Variants in DLG2 observed in about 807,000 individuals in gnomAD.
DLG2 encodes discs large MAGUK scaffold protein 2, also known as disks large homolog 2.
A neutral mutation model predicts 132.5 loss-of-function variants in DLG2; 45 were observed. The ratio of observed to expected loss-of-function variants is 0.34; its 90% CI spans 0.27 to 0.44. The LOEUF (loss-of-function observed/expected upper bound fraction) is 0.44. DLG2 is among the 20% of genes least tolerant of loss of function. DLG2 has a pLI of 1.00. For missense variants in DLG2, 1,045 were observed against 1,196.9 expected, an observed-to-expected ratio of 0.87 and a Z score of 1.87; for synonymous variants, 424 against 419.6, an observed-to-expected ratio of 1.01 and a Z score of -0.13.
rs573645578 is a variant in DLG2 at position 83,518,903 on chromosome 11, C to A, written c.2193+13805G>T. Among the ~76,000 whole-genome samples the A allele has an allele frequency of 2.0e-5, 3 of 152,188 alleles. No homozygotes were observed. The South Asian group carries it at 6.2e-4, about 32-fold the overall frequency. ...GCTCGTAGATTTAAAATAGCAAATTCAGTGTGGGAGGGGGCTGGACTGAGG... is the reference window on the plus strand; with the variant it reads ...GCTCGTAGATTTAAAATAGCAAATTAAGTGTGGGAGGGGGCTGGACTGAGG... On this transcript the variant is annotated intron_variant, in intron 21 of 27. Coordinates refer to ENST00000376104, the MANE Select transcript of DLG2 (RefSeq NM_001142699.3).
chr11:84,990,647 T>C (rs772675417), intron 6 of DLG2, among the ~76,000 whole-genome samples: 2 of 134,094 alleles, frequency 1.5e-5, no homozygotes, highest in Admixed American at 1.5e-4. Flanking sequence ...ATTAAAACCA[T>C]GATGAGATAC....
At chr11:84,692,037 T>C (rs765320403) in intron 6 of DLG2, among the ~76,000 whole-genome samples, 5 of 151,930 alleles carry the variant, frequency 3.3e-5, no homozygotes, top group Non-Finnish European at 7.4e-5. Context: ...TAGACTTCTA[T>C]TAGTACTTAT....
chr11:83,905,348 C>G (rs1337101074), intron 15 of DLG2, among the ~76,000 whole-genome samples: 1 of 152,146 alleles, frequency 6.6e-6, no homozygotes, highest in East Asian at 1.9e-4. Flanking sequence ...TCCTCTGGGG[C>G]TCCATTAAAT....
At chr11:83,520,971 G>C (rs1453230409) in intron 21 of DLG2, among the ~76,000 whole-genome samples, 1 of 152,186 alleles carries the variant, frequency 6.6e-6, no homozygotes, top group Non-Finnish European at 1.5e-5. Flanking sequence ...CATGTATCGA[G>C]ACTGCCAACT....
intron 7 of DLG2, among the ~76,000 whole-genome samples, chr11:84,472,265 T>C (rs556765601): frequency 6.6e-6 from 1 of 151,952 alleles, no homozygotes; most frequent in Non-Finnish European, 1.5e-5. Context: ...GTGTCTAGCA[T>C]GCTACCTATT....
At chr11:84,412,123 G>A (rs2098908726) in intron 7 of DLG2, among the ~76,000 whole-genome samples, 2 of 151,800 alleles carry the variant, frequency 1.3e-5, no homozygotes, top group Admixed American at 1.3e-4. Context: ...TGGTAATACT[G>A]ATAATGGCAA....
intron 7 of DLG2, among the ~76,000 whole-genome samples, chr11:84,311,726 T>A (rs139027754): frequency 1.2e-4 from 18 of 152,280 alleles, no homozygotes; most frequent in African/African-American, 4.1e-4. Flanking sequence ...GAAGTCCTCA[T>A]CAAGGTCCAC....
At chr11:84,106,548 A>T (rs1243385634) in intron 9 of DLG2, among the ~76,000 whole-genome samples, 1 of 152,180 alleles carries the variant, frequency 6.6e-6, no homozygotes, top group Non-Finnish European at 1.5e-5. Flanking sequence ...TCACAATTAT[A>T]CAATCTACAG....
rs565246024 is a variant in DLG2, at chr11:84,916,804, C to G, written c.357+194857G>C. 7.9e-4 allele frequency among the ~76,000 whole-genome samples: 120 copies of G among 152,348 alleles called. 1 individual carries two copies. The highest frequency in any genetic ancestry group is 2.8e-3 in the African/African-American group (118 of 41,582). ...TGTGACATGCTCTTGACCTTTCTCT[C>G]TTCAGCCACACTGGCTTCTTAGATG... On this transcript the variant is annotated intron_variant, in intron 6 of 27. Transcript: ENST00000376104.
chr11:85,486,741 C>A (rs1319022232), intron 3 of DLG2, among the ~76,000 whole-genome samples: 2 of 152,084 alleles, frequency 1.3e-5, no homozygotes, highest in Non-Finnish European at 2.9e-5. Context: ...ACTGCCATCA[C>A]CCTTATCACA....
intron 6 of DLG2, among the ~76,000 whole-genome samples, chr11:84,797,421 T>C (rs1427732422): frequency 1.3e-5 from 2 of 152,192 alleles, no homozygotes; most frequent in African/African-American, 2.4e-5. Flanking sequence ...CTTTTTTGTA[T>C]GTTTGTTTCC....
chr11:84,985,899 G>T (rs977042601), intron 6 of DLG2, among the ~76,000 whole-genome samples: 1 of 141,536 alleles, frequency 7.1e-6, no homozygotes, highest in Non-Finnish European at 1.5e-5. Context: ...GGGTGGGGCA[G>T]GAGAATCACT....
intron 3 of DLG2, among the ~76,000 whole-genome samples, chr11:85,321,478 G>C (rs2081063405): frequency 6.6e-6 from 1 of 151,998 alleles, no homozygotes. Context: ...AAATAATCTA[G>C]CGAGTATGTA....
chr11:84,334,070 A>G (rs1194986714), intron 7 of DLG2, among the ~76,000 whole-genome samples: 2 of 152,166 alleles, frequency 1.3e-5, no homozygotes, highest in Non-Finnish European at 2.9e-5. Context: ...ATATGCAAAT[A>G]TTAAGCAGAA....
intron 6 of DLG2, among the ~76,000 whole-genome samples, chr11:84,778,732 G>C (rs1021681886): frequency 3.3e-5 from 5 of 152,090 alleles, no homozygotes; most frequent in African/African-American, 9.7e-5. Flanking sequence ...ATGTATCTGG[G>C]TGTTGCCAGA....
At chr11:85,474,492 T>C (rs2093078856) in intron 3 of DLG2, among the ~76,000 whole-genome samples, 1 of 151,954 alleles carries the variant, frequency 6.6e-6, no homozygotes, top group Non-Finnish European at 1.5e-5. Flanking sequence ...AACTGTGCTG[T>C]TCTAAAGGAT....
chr11:84,590,129 T>C (rs1187673543), intron 6 of DLG2, among the ~76,000 whole-genome samples: 2 of 152,190 alleles, frequency 1.3e-5, no homozygotes, highest in African/African-American at 4.8e-5. Context: ...ATAGTAAGCA[T>C]CTAGGTTTGC....
intron 7 of DLG2, among the ~76,000 whole-genome samples, chr11:84,251,701 G>T (rs2097377922): frequency 7.0e-6 from 1 of 142,290 alleles, no homozygotes; most frequent in Non-Finnish European, 1.5e-5. Context: ...GGAGTGCAGT[G>T]GTGCAATCTC....
chr11:85,294,986 A>C (rs1358991608), intron 3 of DLG2, among the ~76,000 whole-genome samples: 2 of 152,178 alleles, frequency 1.3e-5, no homozygotes, highest in Admixed American at 1.3e-4. Flanking sequence ...TTGATGAATA[A>C]ATGTGCTACT....
Sources: allele counts gnomAD v4.1 joint callset (sites outside exome capture counted in the v4.1 genomes callset), GRCh38; gene constraint gnomAD v4.1.1; transcripts MANE v1.5; gene names NCBI Gene and HGNC (gene_info 2026-07-23, HGNC 2026-07-21).